The following CROT variants were observed in gnomAD, a reference collection of about 807,000 sequenced individuals.
CROT encodes the protein carnitine O-octanoyltransferase, also known as peroxisomal carnitine O-octanoyltransferase.
In CROT, 84 loss-of-function variants were observed where a neutral mutation model predicts 89.2. The ratio of observed to expected loss-of-function variants is 0.94; its 90% CI spans 0.79 to 1.13. CROT has a LOEUF of 1.13. CROT is among the 50% of genes most tolerant of loss of function. CROT has a pLI of 0.00. For missense variants in CROT, 711 were observed against 727.8 expected (o/e 0.98, Z 0.27); for synonymous variants, 212 against 239.5 (o/e 0.89, Z 1.06).
At position 87,393,017 on chromosome 7, in the gene CROT, T is replaced by C; in HGVS notation, c.1668T>C (p.Val556=). The C allele has an allele frequency of 6.2e-7, 1 of 1,613,508 alleles. No individual in the cohort carries two copies. The highest frequency in any genetic ancestry group is 8.5e-7 in the Non-Finnish European group (1 of 1,179,554). Reference sequence around the variant, plus strand: ...ATTTACGAGTCCAGGGAGTGGTAGTTCCCATGGTACACAATGGTTATGGAT... The same window carrying C: ...ATTTACGAGTCCAGGGAGTGGTAGTCCCCATGGTACACAATGGTTATGGAT... ...VGYLRVQGVV[V]PMVHNGYGFF... is the part of the protein sequence containing the mutation. The change falls in exon 17 of 18, where the codon GTT becomes GTC. Residue 556 remains valine (V), a synonymous_variant. Coordinates refer to ENST00000331536, the MANE Select transcript of CROT (RefSeq NM_021151.4).
At position 87,382,055 on chromosome 7, in the gene CROT, A is replaced by C; in HGVS notation, c.1063-19A>C. The stretch of plus-strand genomic sequence containing the variant: ...ATAGTTCTATAGATAAAATATTTTT[A>C]AGTCTTCCCTATTTTCAGGGTTCAG... On this transcript the variant is annotated intron_variant, in intron 11 of 17. Coordinates refer to ENST00000331536, the MANE Select transcript of CROT (RefSeq NM_021151.4). 1 of 1,582,936 alleles carries C rather than the reference A, an allele frequency of 6.3e-7. No individual in the cohort carries two copies. The highest frequency in any genetic ancestry group is 1.1e-5 in the South Asian group (1 of 88,480).
chr7:87,348,964 G>T (rs1805783793), intron 2 of CROT, 84 bp from the exon 3 acceptor site: 2 of 552,800 alleles, frequency 3.6e-6, no homozygotes, highest in East Asian at 2.9e-5. Flanking sequence ...CTAAATACTG[G>T]TTTAGTGAAT....
chr7:87,357,365 C>A, intron 3 of CROT: 1 of 1,065,774 alleles, frequency 9.4e-7, no homozygotes, highest in Non-Finnish European at 1.4e-6. Context: ...ATATTATACC[C>A]TAGAGACTCT....
intron 13 of CROT, among the ~76,000 whole-genome samples, chr7:87,387,670 G>T (rs1448513611): frequency 6.6e-6 from 1 of 152,148 alleles, no homozygotes; most frequent in Non-Finnish European, 1.5e-5. Flanking sequence ...ATCATAAGGA[G>T]GCTGGGCATG....
chr7:87,387,450 A>G (rs1048955246), intron 13 of CROT, among the ~76,000 whole-genome samples: 8 of 151,210 alleles, frequency 5.3e-5, no homozygotes, highest in Non-Finnish European at 1.0e-4. Flanking sequence ...TTTATTTCCA[A>G]CATGAGCTAT....
At position 87,349,113 on chromosome 7, in the gene CROT, G is replaced by A. The variant is rs769627937; in HGVS notation, c.45G>A (p.Gln15=). 9 of 1,607,446 alleles carry A rather than the reference G, an allele frequency of 5.6e-6. No individual in the cohort carries two copies. In the African/African-American group the frequency reaches 1.1e-4, roughly 19 times the overall value. Residue 15 remains glutamine (Q), a synonymous_variant, in exon 3 of 18, where the codon CAG becomes CAA. Transcript: ENST00000331536. ...AATCAACTGAAGAACGAACATTTCA[G>A]TACCAGGATTCTCTTCCATCACTGC... is the stretch of plus-strand genomic sequence containing the variant. ...LAKSTEERTF[Q]YQDSLPSLPV...
chr7:87,382,912 G>A (rs1181203945), intron 13 of CROT, among the ~76,000 whole-genome samples: 2 of 152,128 alleles, frequency 1.3e-5, no homozygotes, highest in East Asian at 1.9e-4. Flanking sequence ...GAATAGGAGC[G>A]ACATTAATTT....
At chr7:87,347,019 T>G (rs887919243) in intron 2 of CROT, among the ~76,000 whole-genome samples, 13 of 152,340 alleles carry the variant, frequency 8.5e-5, no homozygotes, top group South Asian at 2.1e-4. Context: ...CCTTACTGTT[T>G]GTCAGCCTGA....
chr7:87,366,456 CCTGT>C (rs1448243499), intron 6 of CROT, among the ~76,000 whole-genome samples: 9 of 152,108 alleles, frequency 5.9e-5, no homozygotes, highest in Non-Finnish European at 8.8e-5. Context: ...AGCTCCAGTG[CCTGT>C]CTTTCTTTCC....
At chr7:87,381,008 C>T (rs1198165196) in intron 10 of CROT, among the ~76,000 whole-genome samples, 1 of 152,156 alleles carries the variant, frequency 6.6e-6, no homozygotes, top group Non-Finnish European at 1.5e-5. Flanking sequence ...TGGTTGGTAA[C>T]AATAAATCCT....
At chr7:87,367,443 A>G (rs1416541971) in intron 6 of CROT, among the ~76,000 whole-genome samples, 1 of 152,228 alleles carries the variant, frequency 6.6e-6, no homozygotes, top group Non-Finnish European at 1.5e-5. Context: ...GACACATTTC[A>G]GATTTCTGGT....
intron 13 of CROT, among the ~76,000 whole-genome samples, chr7:87,388,021 G>A (rs1416279031): frequency 6.6e-6 from 1 of 152,048 alleles, no homozygotes; most frequent in African/African-American, 2.4e-5. Flanking sequence ...AGTTTTGGTG[G>A]GTCTATTACT....
intron 13 of CROT, among the ~76,000 whole-genome samples, chr7:87,385,232 A>C (rs1277221449): frequency 2.0e-5 from 3 of 151,656 alleles, no homozygotes; most frequent in African/African-American, 7.3e-5. Context: ...TTTGTGAAGA[A>C]TATTGTTGGT....
At chr7:87,377,568 C>T (rs1220490048) in intron 10 of CROT, 118 bp downstream of exon 10, 2 of 619,696 alleles carry the variant, frequency 3.2e-6, no homozygotes, top group Non-Finnish European at 5.6e-6. Context: ...TTTTATGGCA[C>T]TGTGGTGAAA....
At chr7:87,373,761 CT>C (rs1806716337) in intron 7 of CROT, among the ~76,000 whole-genome samples, 1 of 151,872 alleles carries the variant, frequency 6.6e-6, no homozygotes, top group African/African-American at 2.4e-5. Context: ...AAGGGAGAAA[CT>C]TATAAGAGGA....
intron 3 of CROT, among the ~76,000 whole-genome samples, 170 bp downstream of exon 3, chr7:87,349,353 G>A (rs1219927987): frequency 6.6e-6 from 1 of 152,156 alleles, no homozygotes; most frequent in Non-Finnish European, 1.5e-5. Flanking sequence ...AGAAGAGACA[G>A]TTTATTGAAA....
At chr7:87,362,718 CT>C (rs1441895108) in intron 6 of CROT, among the ~76,000 whole-genome samples, 1 of 150,950 alleles carries the variant, frequency 6.6e-6, no homozygotes, top group Non-Finnish European at 1.5e-5. Flanking sequence ...GAAAATTCTG[CT>C]GTGGTAACTG....
intron 3 of CROT, among the ~76,000 whole-genome samples, chr7:87,350,442 C>T (rs2115789167): frequency 6.6e-6 from 1 of 152,170 alleles, no homozygotes; most frequent in Non-Finnish European, 1.5e-5. Flanking sequence ...ATTTGTAATT[C>T]AATGTCTATA....
intron 7 of CROT, among the ~76,000 whole-genome samples, chr7:87,373,459 A>G (rs562897723): frequency 6.6e-6 from 1 of 152,122 alleles, no homozygotes; most frequent in Non-Finnish European, 1.5e-5. Flanking sequence ...TTGTTGTTAC[A>G]TGTGCTTTTG....
Sources: gnomAD v4.1 joint callset for allele counts (sites outside exome capture counted in the v4.1 genomes callset) on GRCh38, gnomAD v4.1.1 for gene constraint, MANE v1.5 for transcripts, NCBI Gene and HGNC (gene_info 2026-07-23, HGNC 2026-07-21) for gene names.